Variants in LMBR1 observed in about 807,000 individuals in gnomAD.
The protein encoded by LMBR1 is limb development membrane protein 1.
A neutral mutation model predicts 73.9 loss-of-function variants in LMBR1; 52 were observed. The observed-to-expected ratio is 0.70, with a 90% confidence interval of 0.56 to 0.89. The LOEUF is 0.89. LMBR1 is among the 40% of genes least tolerant of loss of function. LMBR1 has a pLI of 0.00. For synonymous variants in LMBR1, 215 were observed against 209.4 expected (o/e 1.03, Z -0.23); for missense variants, 539 against 579.8 (o/e 0.93, Z 0.72).
At chr7:156,807,703 C>T (rs1006066207) in intron 4 of LMBR1, among the ~76,000 whole-genome samples, 1 of 152,140 alleles carries the variant, frequency 6.6e-6, no homozygotes. Flanking sequence ...TTCGTTGACT[C>T]TGCAGAAACT....
intron 15 of LMBR1, among the ~76,000 whole-genome samples, chr7:156,691,796 T>C (rs1418616060): frequency 1.3e-5 from 2 of 152,210 alleles, no homozygotes; most frequent in East Asian, 1.9e-4. Context: ...AGGATTAGCA[T>C]ACTTTTTTCC....
At chr7:156,879,557 G>A (rs1042940610) in intron 1 of LMBR1, among the ~76,000 whole-genome samples, 5 of 151,836 alleles carry the variant, frequency 3.3e-5, no homozygotes, top group South Asian at 2.1e-4. Context: ...CCAGCTACTC[G>A]GAGGGCTGAG....
intron 3 of LMBR1, among the ~76,000 whole-genome samples, chr7:156,827,459 A>G (rs888933262): frequency 2.6e-5 from 4 of 152,162 alleles, no homozygotes; most frequent in Admixed American, 2.6e-4. Flanking sequence ...ATACAGAGGT[A>G]CAAAAAAATC....
intron 1 of LMBR1, among the ~76,000 whole-genome samples, chr7:156,840,291 C>T (rs1442475172): frequency 2.6e-5 from 4 of 151,996 alleles, no homozygotes; most frequent in Non-Finnish European, 5.9e-5. Context: ...AATTATGCAA[C>T]GTTAGAGGAA....
chr7:156,731,222 G>A (rs1411078190), intron 10 of LMBR1, among the ~76,000 whole-genome samples: 2 of 152,044 alleles, frequency 1.3e-5, no homozygotes, highest in East Asian at 1.9e-4. Flanking sequence ...CAGACCAGGA[G>A]AAAATATCAG....
intron 15 of LMBR1, among the ~76,000 whole-genome samples, chr7:156,723,363 T>C (rs188276136): frequency 2.2e-4 from 33 of 152,216 alleles, no homozygotes; most frequent in African/African-American, 6.3e-4. Context: ...ATCAAAATTT[T>C]CCAATCATTC....
At position 156,685,482 on chromosome 7, in the gene LMBR1, G is replaced by A. The variant is rs1341478067; in HGVS notation, c.1388-1319C>T. 6.6e-6 allele frequency among the ~76,000 whole-genome samples: 1 copy of A among 152,258 alleles called. No homozygotes were observed. The stretch of plus-strand genomic sequence containing the variant: ...TGCCATCCCTAGGCTGCAGGGTGTG[G>A]CCGGCTGCTCCTCAGTTACCAAGCA... On this transcript the variant is annotated intron_variant, in intron 16 of 16. Coordinates refer to ENST00000353442, the MANE Select transcript of LMBR1 (RefSeq NM_022458.4). The surrounding 1 kb of genome is among the most constrained non-coding windows in gnomAD (Gnocchi z 4.1).
At chr7:156,756,347 T>G (rs775044735) in intron 9 of LMBR1, 46 bp downstream of exon 9, 1 of 930,662 alleles carries the variant, frequency 1.1e-6, no homozygotes, top group Non-Finnish European at 1.7e-6. Context: ...TTTTTGAAAT[T>G]AAAAAGATTT....
At chr7:156,886,095 C>A (rs529780993) in intron 1 of LMBR1, among the ~76,000 whole-genome samples, 1 of 151,824 alleles carries the variant, frequency 6.6e-6, no homozygotes, top group East Asian at 1.9e-4. Flanking sequence ...ATCTCTTGAG[C>A]CTGGGAGATA....
chr7:156,702,145 T>C (rs1007275673), intron 15 of LMBR1, among the ~76,000 whole-genome samples: 7 of 152,228 alleles, frequency 4.6e-5, no homozygotes, highest in African/African-American at 1.4e-4. Flanking sequence ...TACCCAGTAA[T>C]GAGACTGCTG....
intron 15 of LMBR1, among the ~76,000 whole-genome samples, chr7:156,703,832 C>T (rs1810319261): frequency 6.6e-6 from 1 of 152,172 alleles, no homozygotes; most frequent in Admixed American, 6.5e-5. Flanking sequence ...TTCCATTACC[C>T]AATCTGCCAC....
At chr7:156,688,707 C>G (rs1225355965) in intron 15 of LMBR1, among the ~76,000 whole-genome samples, 1 of 152,156 alleles carries the variant, frequency 6.6e-6, no homozygotes. Flanking sequence ...CTCTGACTCC[C>G]CTACCTAAAA....
intron 1 of LMBR1, among the ~76,000 whole-genome samples, chr7:156,881,478 A>C (rs1801077595): frequency 6.6e-6 from 1 of 152,366 alleles, no homozygotes; most frequent in South Asian, 2.1e-4. Flanking sequence ...CAACAAAAAT[A>C]TGTAAGTGGG....
At chr7:156,820,420 T>C (rs2133746027) in intron 4 of LMBR1, among the ~76,000 whole-genome samples, 1 of 152,282 alleles carries the variant, frequency 6.6e-6, no homozygotes, top group Non-Finnish European at 1.5e-5. Flanking sequence ...CCATAGGATA[T>C]TAATATCACA....
chr7:156,778,166 A>G (rs1348454146), intron 5 of LMBR1, among the ~76,000 whole-genome samples: 2 of 152,238 alleles, frequency 1.3e-5, no homozygotes, highest in Non-Finnish European at 2.9e-5. Context: ...TTGTTCAAAA[A>G]GTTATTTCAA....
intron 3 of LMBR1, among the ~76,000 whole-genome samples, chr7:156,828,221 C>A (rs1369266587): frequency 6.6e-6 from 1 of 152,184 alleles, no homozygotes; most frequent in Non-Finnish European, 1.5e-5. Flanking sequence ...ACTTACCTAA[C>A]CCCCTCATAG....
At chr7:156,804,201 G>A (rs1379007258) in intron 4 of LMBR1, among the ~76,000 whole-genome samples, 1 of 152,170 alleles carries the variant, frequency 6.6e-6, no homozygotes, top group African/African-American at 2.4e-5. Context: ...CAAATGGATT[G>A]TGTGATATAT....
At chr7:156,877,665 C>T (rs1034594266) in intron 1 of LMBR1, among the ~76,000 whole-genome samples, 3 of 152,064 alleles carry the variant, frequency 2.0e-5, no homozygotes, top group Non-Finnish European at 2.9e-5. Flanking sequence ...GGGCGGATCA[C>T]GAGGTCAGGA....
intron 1 of LMBR1, among the ~76,000 whole-genome samples, chr7:156,868,500 C>T (rs1398046660): frequency 6.6e-6 from 1 of 151,930 alleles, no homozygotes; most frequent in African/African-American, 2.4e-5. Context: ...GTGGTGAAAC[C>T]TTGTGTCTCC....
Sources: allele counts gnomAD v4.1 joint callset (sites outside exome capture counted in the v4.1 genomes callset), GRCh38; gene constraint gnomAD v4.1.1; non-coding constraint Gnocchi (gnomAD v3.1); transcripts MANE v1.5; gene names NCBI Gene and HGNC (gene_info 2026-07-23, HGNC 2026-07-21).